The following TCF4 variants were observed in gnomAD, a reference collection of about 807,000 sequenced individuals.
TCF4 encodes SL3-3 enhancer factor 2.
Under a neutral mutation model 82.1 loss-of-function variants are expected in TCF4, and 3 were observed. The observed-to-expected ratio is 0.04, with a 90% confidence interval of 0.02 to 0.09. The LOEUF (loss-of-function observed/expected upper bound fraction) is 0.09, where lower values mean the gene tolerates loss of function less well. Among genes scored for constraint, TCF4 ranks in the 10% least tolerant of loss-of-function variants. The pLI is 1.00. For synonymous variants in TCF4, 276 were observed against 309.6 expected (o/e 0.89, Z 1.14); for missense variants, 518 against 852.7 (o/e 0.61, Z 4.89).
intron 8 of TCF4, among the ~76,000 whole-genome samples, chr18:55,324,399 T>C (rs1312786927): frequency 1.3e-5 from 2 of 152,264 alleles, no homozygotes; most frequent in Non-Finnish European, 2.9e-5. Flanking sequence ...TTCTGCGATC[T>C]CAGCCTTTGA....
At chr18:55,580,165 G>A (rs569311850) in intron 3 of TCF4, among the ~76,000 whole-genome samples, 2 of 152,006 alleles carry the variant, frequency 1.3e-5, no homozygotes, top group South Asian at 4.1e-4. Flanking sequence ...ATAGAGTACT[G>A]CTTCTGCCTT....
At chr18:55,297,206 G>GA (rs749849568) in intron 8 of TCF4, among the ~76,000 whole-genome samples, 5,393 of 55,928 alleles carry the variant, frequency 0.096, 210 homozygotes, top group African/African-American at 0.18. Context: ...TTTCCAAATA[G>GA]AAAAAAAAAA....
rs182888767 is a variant in TCF4, at chr18:55,349,351, C to T, written c.549+1008G>A. ...TGTTTGGGTTAATCTAATCTTAGCA[C>T]ATTTGCAAGACCTATTATTCTTCTA... On this transcript the variant is annotated intron_variant, in intron 8 of 19. Coordinates refer to ENST00000354452, the MANE Select transcript of TCF4 (RefSeq NM_001083962.2). 2.6e-4 allele frequency among the ~76,000 whole-genome samples: 40 copies of T among 152,168 alleles called. No individual in the cohort carries two copies. The East Asian group carries it at 6.9e-3, about 26-fold the overall frequency.
intron 3 of TCF4, among the ~76,000 whole-genome samples, chr18:55,533,511 G>C (rs1360955825): frequency 6.6e-6 from 1 of 152,152 alleles, no homozygotes; most frequent in African/African-American, 2.4e-5. Flanking sequence ...CTGCTCTCAA[G>C]ATCACCTCAT....
intron 2 of TCF4, among the ~76,000 whole-genome samples, chr18:55,621,197 T>C (rs1367314867): frequency 6.6e-6 from 1 of 151,376 alleles, no homozygotes; most frequent in African/African-American, 2.4e-5. Flanking sequence ...TTTTTTCATC[T>C]AGAAAATGGG....
At chr18:55,319,990 G>C (rs1222515561) in intron 8 of TCF4, among the ~76,000 whole-genome samples, 1 of 152,028 alleles carries the variant, frequency 6.6e-6, no homozygotes, top group Non-Finnish European at 1.5e-5. Context: ...TTTCATTACG[G>C]ATAAGGGCTA....
At chr18:55,418,750 T>C (rs1175161710) in intron 5 of TCF4, among the ~76,000 whole-genome samples, 1 of 152,210 alleles carries the variant, frequency 6.6e-6, no homozygotes, top group Non-Finnish European at 1.5e-5. Context: ...TGTCATGCCA[T>C]ACTTGAGGAA....
intron 15 of TCF4, among the ~76,000 whole-genome samples, chr18:55,248,681 G>C (rs1488899026): frequency 1.3e-5 from 2 of 152,242 alleles, no homozygotes; most frequent in Non-Finnish European, 2.9e-5. Context: ...TTAGGGTAAA[G>C]AGGAAGTCGG....
chr18:55,585,977 C>T, intron 2 of TCF4: 1 of 1,322,310 alleles, frequency 7.6e-7, no homozygotes, highest in South Asian at 1.5e-5. Context: ...GCACACCTTC[C>T]CTGAGTCAGA....
chr18:55,586,870 C>A, intron 2 of TCF4, 175 bp downstream of exon 2: 3 of 537,034 alleles, frequency 5.6e-6, no homozygotes, highest in Non-Finnish European at 9.9e-6. Context: ...AATCTTCCAT[C>A]ACACCACAAA....
intron 10 of TCF4, among the ~76,000 whole-genome samples, chr18:55,271,751 A>G (rs773343781): frequency 4.6e-5 from 7 of 152,074 alleles, no homozygotes; most frequent in South Asian, 2.1e-4. Flanking sequence ...ATTTTCTCCA[A>G]TGAAAAATAT....
At chr18:55,504,898 T>C (rs1421484624) in intron 3 of TCF4, among the ~76,000 whole-genome samples, 1 of 152,138 alleles carries the variant, frequency 6.6e-6, no homozygotes, top group Non-Finnish European at 1.5e-5. Flanking sequence ...CAAGCAATTA[T>C]AAGGTGCAGA....
intron 5 of TCF4, among the ~76,000 whole-genome samples, chr18:55,412,920 G>A (rs141070337): frequency 6.6e-6 from 1 of 152,284 alleles, no homozygotes; most frequent in Non-Finnish European, 1.5e-5. Flanking sequence ...CAGTGAGATG[G>A]AAAAGAGAGG....
chr18:55,631,277 G>T (rs1182781805), intron 2 of TCF4: 1 of 1,148,062 alleles, frequency 8.7e-7, no homozygotes, highest in African/African-American at 1.5e-5. Context: ...TTGAACACCT[G>T]ACCTCAGGTG....
rs533518448 is a variant in TCF4 at position 55,274,021 on chromosome 18, T to C, written c.789+1598A>G. ...AAAATTAATGTCAAATGGGCAACTC[T>C]TAAAAGAACTGAAATTCCAACATGC... On this transcript the variant is annotated intron_variant, in intron 10 of 19. Coordinates refer to ENST00000354452, the MANE Select transcript of TCF4 (RefSeq NM_001083962.2). Among the ~76,000 whole-genome samples the C allele has an allele frequency of 1.4e-4, 22 of 151,952 alleles. No homozygotes were observed. In the East Asian group the frequency reaches 3.3e-3, roughly 23 times the overall value.
At chr18:55,366,908 C>A (rs768299124) in intron 6 of TCF4, among the ~76,000 whole-genome samples, 1 of 152,072 alleles carries the variant, frequency 6.6e-6, no homozygotes, top group South Asian at 2.1e-4. Flanking sequence ...CATTTCCATA[C>A]GTATATAAGC....
intron 8 of TCF4, among the ~76,000 whole-genome samples, chr18:55,282,352 G>A (rs937027396): frequency 4.0e-5 from 6 of 151,764 alleles, no homozygotes; most frequent in African/African-American, 7.3e-5. Flanking sequence ...GAATGGTGGC[G>A]GAGACATAGA....
chr18:55,346,186 A>G (rs143568448), intron 8 of TCF4, among the ~76,000 whole-genome samples: 1 of 152,292 alleles, frequency 6.6e-6, no homozygotes, highest in African/African-American at 2.4e-5. Context: ...TCTGTAAAGG[A>G]AACTCTAATC....
chr18:55,329,796 T>C (rs2077198014), intron 8 of TCF4, among the ~76,000 whole-genome samples: 1 of 152,370 alleles, frequency 6.6e-6, no homozygotes, highest in East Asian at 1.9e-4. Flanking sequence ...AAATTGTCTC[T>C]ATTTGTTTGA....
Sources: allele counts gnomAD v4.1 joint callset (sites outside exome capture counted in the v4.1 genomes callset), GRCh38; gene constraint gnomAD v4.1.1; transcripts MANE v1.5; gene names NCBI Gene and HGNC (gene_info 2026-07-23, HGNC 2026-07-21).